CNTN4: variants seen among roughly 807,000 people sequenced by gnomAD.
CNTN4 encodes the protein contactin 4.
A neutral mutation model predicts 122.5 loss-of-function variants in CNTN4; 77 were observed. That is an observed-to-expected ratio of 0.63 (90% CI 0.52 to 0.76). CNTN4 has a LOEUF of 0.76. Among genes scored for constraint, CNTN4 ranks in the 30% least tolerant of loss-of-function variants. The probability of loss-of-function intolerance (pLI) is 0.00; values close to 1 mark genes in which losing one functional copy is unlikely to be tolerated. For synonymous variants in CNTN4, 512 were observed against 447.0 expected (o/e 1.15, Z -1.83); for missense variants, 1,256 against 1,259.1 (o/e 1.00, Z 0.04).
At chr3:2,167,318 G>T (rs1359995941) in intron 2 of CNTN4, among the ~76,000 whole-genome samples, 1 of 151,938 alleles carries the variant, frequency 6.6e-6, no homozygotes, top group African/African-American at 2.4e-5. Context: ...AAGTATAACA[G>T]CCTCCTATCA....
intron 2 of CNTN4, among the ~76,000 whole-genome samples, chr3:2,264,201 A>G (rs2040950708): frequency 6.6e-6 from 1 of 152,112 alleles, no homozygotes; most frequent in South Asian, 2.1e-4. Flanking sequence ...ACTTTTTTCC[A>G]TACTGGCTGT....
intron 3 of CNTN4, chr3:2,362,167 C>G (rs2045176830): frequency 6.2e-6 from 1 of 162,072 alleles, no homozygotes; most frequent in Non-Finnish European, 1.3e-5. Flanking sequence ...GAGGCAGGGC[C>G]CAGATCTATC....
At chr3:2,715,828 C>T (rs1433065183) in intron 4 of CNTN4, among the ~76,000 whole-genome samples, 1 of 152,110 alleles carries the variant, frequency 6.6e-6, no homozygotes, top group Admixed American at 6.5e-5. Context: ...TACCCCATGG[C>T]CTCATTTAAC....
At chr3:2,501,018 T>A (rs978952331) in intron 3 of CNTN4, among the ~76,000 whole-genome samples, 1 of 152,194 alleles carries the variant, frequency 6.6e-6, no homozygotes, top group Non-Finnish European at 1.5e-5. Flanking sequence ...GTATTTTATA[T>A]CTTTCAGGTT....
At chr3:2,502,791 A>T (rs900089043) in intron 3 of CNTN4, among the ~76,000 whole-genome samples, 2 of 152,114 alleles carry the variant, frequency 1.3e-5, no homozygotes, top group African/African-American at 2.4e-5. Context: ...AAATTACCGA[A>T]TCACAGCTAG....
At chr3:2,358,620 T>C (rs150328162) in intron 3 of CNTN4, among the ~76,000 whole-genome samples, 19 of 152,126 alleles carry the variant, frequency 1.2e-4, no homozygotes, top group African/African-American at 4.3e-4. Flanking sequence ...TATTTCATAT[T>C]CCCCACACCA....
chr3:2,815,503 C>G (rs2092705632), intron 6 of CNTN4, among the ~76,000 whole-genome samples: 2 of 152,156 alleles, frequency 1.3e-5, no homozygotes, highest in Admixed American at 6.5e-5. Context: ...CTCAACATCA[C>G]TAATGATCAG....
chr3:2,873,831 G>A (rs1371666647), intron 8 of CNTN4, among the ~76,000 whole-genome samples: 1 of 152,174 alleles, frequency 6.6e-6, no homozygotes, highest in Non-Finnish European at 1.5e-5. Context: ...GCAACAGGTA[G>A]AGATATGCCT....
chr3:2,567,081 A>AT (rs373707875), intron 3 of CNTN4, among the ~76,000 whole-genome samples: 3,750 of 103,196 alleles, frequency 0.036, 199 homozygotes, highest in African/African-American at 0.097. Context: ...CAAGTCCAGA[A>AT]TTTTTTTTTT....
chr3:2,360,446 T>C (rs758027721), intron 3 of CNTN4, among the ~76,000 whole-genome samples: 6 of 152,230 alleles, frequency 3.9e-5, no homozygotes, highest in Non-Finnish European at 7.3e-5. Context: ...ATTTCAGTCT[T>C]CTATAATATG....
chr3:2,117,531 G>A (rs961102220), intron 2 of CNTN4, among the ~76,000 whole-genome samples: 3 of 150,866 alleles, frequency 2.0e-5, no homozygotes, highest in African/African-American at 7.5e-5. Flanking sequence ...CCAGGAGGTT[G>A]GGGGAGGGGG....
chr3:2,829,285 A>G (rs2093052146), intron 7 of CNTN4, among the ~76,000 whole-genome samples: 1 of 152,220 alleles, frequency 6.6e-6, no homozygotes, highest in Non-Finnish European at 1.5e-5. Flanking sequence ...CCCATTGAAC[A>G]GAAAAAGAGA....
At chr3:2,856,698 C>T (rs776607201) in intron 7 of CNTN4, among the ~76,000 whole-genome samples, 1 of 152,188 alleles carries the variant, frequency 6.6e-6, no homozygotes, top group Non-Finnish European at 1.5e-5. Flanking sequence ...CCATTAATCA[C>T]GGATGCCCTT....
intron 4 of CNTN4, among the ~76,000 whole-genome samples, chr3:2,674,741 G>A (rs1296505222): frequency 6.6e-6 from 1 of 151,694 alleles, no homozygotes; most frequent in African/African-American, 2.4e-5. Context: ...CTGGGTGACA[G>A]GATGAGACTT....
intron 13 of CNTN4, among the ~76,000 whole-genome samples, chr3:2,933,455 G>A (rs1035569469): frequency 6.6e-6 from 1 of 152,216 alleles, no homozygotes; most frequent in Non-Finnish European, 1.5e-5. Context: ...GCTTATGGGT[G>A]AGGCTGTGAT....
chr3:2,947,885 A>G (rs2094695966), intron 13 of CNTN4, among the ~76,000 whole-genome samples: 2 of 152,222 alleles, frequency 1.3e-5, no homozygotes, highest in South Asian at 4.1e-4. Context: ...AGGCCAGGAA[A>G]TTATTCTGTT....
At chr3:2,366,502 C>T (rs917518235) in intron 3 of CNTN4, among the ~76,000 whole-genome samples, 16 of 152,030 alleles carry the variant, frequency 1.1e-4, no homozygotes, top group South Asian at 4.2e-4. Flanking sequence ...CCGAGGTGGG[C>T]GGATCATGAG....
chr3:2,552,520 G>A (rs2149370368), intron 3 of CNTN4, among the ~76,000 whole-genome samples: 1 of 152,238 alleles, frequency 6.6e-6, no homozygotes, highest in South Asian at 2.1e-4. Flanking sequence ...TAACCTCAGA[G>A]AGCTTGCATG....
intron 6 of CNTN4, among the ~76,000 whole-genome samples, chr3:2,750,902 G>A (rs1221663539): frequency 1.3e-5 from 2 of 152,170 alleles, no homozygotes; most frequent in African/African-American, 4.8e-5. Flanking sequence ...GAGTGAATTG[G>A]AGGTGAGAGC....
Sources: gnomAD v4.1 joint callset for allele counts (sites outside exome capture counted in the v4.1 genomes callset) on GRCh38, gnomAD v4.1.1 for gene constraint, MANE v1.5 for transcripts, NCBI Gene and HGNC (gene_info 2026-07-23, HGNC 2026-07-21) for gene names.